Variants in BRINP1 observed in about 807,000 individuals in gnomAD.
The protein encoded by BRINP1 is BMP/retinoic acid-inducible neural-specific protein 1.
A neutral mutation model predicts 72.9 loss-of-function variants in BRINP1; 17 were observed. The ratio of observed to expected loss-of-function variants is 0.23; its 90% CI spans 0.16 to 0.35. The LOEUF (loss-of-function observed/expected upper bound fraction) is 0.35, where lower values mean the gene tolerates loss of function less well. BRINP1 is among the 10% of genes least tolerant of loss of function. The probability of loss-of-function intolerance (pLI) is 1.00; values close to 1 mark genes in which losing one functional copy is unlikely to be tolerated. For synonymous variants in BRINP1, 418 were observed against 378.5 expected (o/e 1.10, Z -1.21); for missense variants, 850 against 1,001.6 (o/e 0.85, Z 2.04).
chr9:119,308,863 T>G (rs1323586501), intron 2 of BRINP1, among the ~76,000 whole-genome samples: 1 of 152,060 alleles, frequency 6.6e-6, no homozygotes, highest in Non-Finnish European at 1.5e-5. Flanking sequence ...TCCCAGAATC[T>G]CCCCTTTGCC....
At chr9:119,276,375 A>T (rs899352800) in intron 2 of BRINP1, among the ~76,000 whole-genome samples, 3 of 152,194 alleles carry the variant, frequency 2.0e-5, no homozygotes, top group African/African-American at 7.2e-5. Flanking sequence ...ATGTGTATAA[A>T]TGTACTCTTA....
Position 119,206,937 on chromosome 9 carries a change from C to T in BRINP1, c.1145+1782G>A, listed in dbSNP as rs753198207. Among the ~76,000 whole-genome samples, 43 of 152,214 alleles carry T rather than the reference C, an allele frequency of 2.8e-4. No homozygotes were observed. In the Middle Eastern group the frequency reaches 0.01, roughly 36 times the overall value. Reference sequence around the variant, plus strand: ...CAGCAGCATTGCAACAAGAAACTGGCAAAAGAAATTCTATTTGATCCACAA... The same window carrying T: ...CAGCAGCATTGCAACAAGAAACTGGTAAAAGAAATTCTATTTGATCCACAA... On this transcript the variant is annotated intron_variant, in intron 7 of 7. Transcript: ENST00000265922.
At chr9:119,254,720 A>T (rs1830427605) in intron 2 of BRINP1, among the ~76,000 whole-genome samples, 1 of 152,222 alleles carries the variant, frequency 6.6e-6, no homozygotes, top group African/African-American at 2.4e-5. Context: ...TCCAGGTAGT[A>T]AATATTTTAG....
chr9:119,201,003 G>C (rs1414497517), intron 7 of BRINP1, among the ~76,000 whole-genome samples: 1 of 152,168 alleles, frequency 6.6e-6, no homozygotes, highest in Non-Finnish European at 1.5e-5. Flanking sequence ...AAATGGTGTG[G>C]AACCCAGCCA....
chr9:119,232,754 G>C (rs943161621), intron 5 of BRINP1, among the ~76,000 whole-genome samples: 2 of 151,910 alleles, frequency 1.3e-5, no homozygotes, highest in Non-Finnish European at 2.9e-5. Context: ...TATTCTCTCT[G>C]CATCCCTTTC....
intron 2 of BRINP1, among the ~76,000 whole-genome samples, chr9:119,259,667 A>T (rs987672285): frequency 6.6e-6 from 1 of 152,166 alleles, no homozygotes; most frequent in Non-Finnish European, 1.5e-5. Flanking sequence ...AATTATATGA[A>T]TTTTTTCCTT....
chr9:119,272,008 T>G (rs1453178121), intron 2 of BRINP1, among the ~76,000 whole-genome samples: 1 of 151,922 alleles, frequency 6.6e-6, no homozygotes, highest in Non-Finnish European at 1.5e-5. Context: ...TTTAAAAATT[T>G]TTTGAAAATA....
chr9:119,353,822 C>CTTTT lies in BRINP1; in HGVS notation c.-51+15230_-51+15233dup, dbSNP rs138900910. 3.2e-4 allele frequency among the ~76,000 whole-genome samples: 10 copies of CTTTT among 30,924 alleles called. 1 individual carries two copies. The highest frequency in any genetic ancestry group is 2.1e-3 in the South Asian group (1 of 484). 20.3% of individuals were successfully genotyped at this position (30,924 alleles called of 152,430 possible). On this transcript the variant is annotated intron_variant, in intron 1 of 7. Coordinates refer to ENST00000265922, the MANE Select transcript of BRINP1 (RefSeq NM_014618.3). ...ATTAAACTTAATTTTGTTTTGAGCA[C>CTTTT]TTTTTTTTTTTTTTTTTTTTTTTTT...
chr9:119,305,611 G>T (rs139931273), intron 2 of BRINP1, among the ~76,000 whole-genome samples: 47 of 152,200 alleles, frequency 3.1e-4, no homozygotes, highest in Non-Finnish European at 6.2e-4. Flanking sequence ...CCTCCTTGAA[G>T]CCTATGTTCA....
chr9:119,237,215 TTC>T (rs1005860187), intron 5 of BRINP1, among the ~76,000 whole-genome samples: 3 of 152,140 alleles, frequency 2.0e-5, no homozygotes, highest in African/African-American at 7.2e-5. Context: ...TCATTTTTTT[TTC>T]TGACTCTAAA....
At chr9:119,170,290 G>C (rs972061578) in intron 7 of BRINP1, among the ~76,000 whole-genome samples, 7 of 151,936 alleles carry the variant, frequency 4.6e-5, no homozygotes, top group Non-Finnish European at 7.3e-5. Flanking sequence ...GCTTAAAGGA[G>C]CTGATGGAGC....
intron 2 of BRINP1, among the ~76,000 whole-genome samples, chr9:119,306,951 C>T (rs1439882811): frequency 6.6e-6 from 1 of 152,070 alleles, no homozygotes; most frequent in African/African-American, 2.4e-5. Context: ...TCATGAAGAC[C>T]AAAATCTAAG....
intron 1 of BRINP1, among the ~76,000 whole-genome samples, chr9:119,360,724 A>C (rs1195160847): frequency 6.6e-6 from 1 of 152,182 alleles, no homozygotes; most frequent in Non-Finnish European, 1.5e-5. Flanking sequence ...CCCAAGCTCC[A>C]TTATTTCTCA....
chr9:119,170,325 G>A (rs1336045521), intron 7 of BRINP1, among the ~76,000 whole-genome samples: 2 of 152,000 alleles, frequency 1.3e-5, no homozygotes, highest in South Asian at 2.1e-4. Flanking sequence ...CGAGAACTAC[G>A]TGTAGAATGC....
intron 6 of BRINP1, among the ~76,000 whole-genome samples, chr9:119,212,723 C>T (rs983043281): frequency 5.3e-5 from 8 of 152,286 alleles, no homozygotes; most frequent in African/African-American, 1.7e-4. Flanking sequence ...TACTTGAGCA[C>T]ATATTATATG....
chr9:119,258,643 C>T (rs1017954125), intron 2 of BRINP1, among the ~76,000 whole-genome samples: 1 of 152,172 alleles, frequency 6.6e-6, no homozygotes. Context: ...CTTGCTAAGG[C>T]CACAGCACCA....
chr9:119,317,853 A>G (rs1831141318), intron 1 of BRINP1, among the ~76,000 whole-genome samples: 1 of 152,240 alleles, frequency 6.6e-6, no homozygotes, highest in Admixed American at 6.5e-5. Flanking sequence ...GATGATCATT[A>G]GCCTTTTTTT....
At chr9:119,259,189 G>A (rs557085258) in intron 2 of BRINP1, among the ~76,000 whole-genome samples, 2 of 152,254 alleles carry the variant, frequency 1.3e-5, no homozygotes, top group South Asian at 2.1e-4. Flanking sequence ...CTTTACGGTC[G>A]GCCTGGTCTG....
intron 1 of BRINP1, among the ~76,000 whole-genome samples, chr9:119,347,945 A>C (rs1341608570): frequency 1.3e-5 from 2 of 152,172 alleles, no homozygotes; most frequent in Non-Finnish European, 2.9e-5. Context: ...ATTTACTACA[A>C]TCCATGAACC....
Sources: allele counts gnomAD v4.1 joint callset (sites outside exome capture counted in the v4.1 genomes callset), GRCh38; gene constraint gnomAD v4.1.1; transcripts MANE v1.5; gene names NCBI Gene and HGNC (gene_info 2026-07-23, HGNC 2026-07-21).